Variants in DCHS2 observed in about 807,000 individuals in gnomAD.
DCHS2 encodes dachsous cadherin-related 2.
Under a neutral mutation model 182.4 loss-of-function variants are expected in DCHS2, and 142 were observed. That is an observed-to-expected ratio of 0.78 (90% confidence interval 0.68 to 0.89). The LOEUF is 0.89. DCHS2 is among the 40% of genes least tolerant of loss of function. The pLI is 0.00. For synonymous variants in DCHS2, 1,740 were observed against 1,663.3 expected (o/e 1.05, Z -1.12); for missense variants, 4,319 against 4,198.6 (o/e 1.03, Z -0.79).
At chr4:154,384,438 T>G in intron 1 of DCHS2, 1 of 1,610,404 alleles carries the variant, frequency 6.2e-7, no homozygotes, top group Non-Finnish European at 8.5e-7. Flanking sequence ...GAGCTCAGTC[T>G]CGGGACTACC....
At chr4:154,257,515 A>T (rs1578868400) in intron 15 of DCHS2, among the ~76,000 whole-genome samples, 1 of 152,294 alleles carries the variant, frequency 6.6e-6, no homozygotes, top group South Asian at 2.1e-4. Flanking sequence ...AGTCTGTGTG[A>T]CTGAGAGAAG....
chr4:154,310,495 T>C (rs1404861292), intron 10 of DCHS2, among the ~76,000 whole-genome samples: 1 of 152,186 alleles, frequency 6.6e-6, no homozygotes, highest in African/African-American at 2.4e-5. Flanking sequence ...AGTGAACTTA[T>C]CATGTATGAC....
intron 3 of DCHS2, among the ~76,000 whole-genome samples, chr4:154,338,635 A>G (rs1399310464): frequency 6.6e-6 from 1 of 152,254 alleles, no homozygotes; most frequent in Non-Finnish European, 1.5e-5. Context: ...GTACACAGAA[A>G]TAAATCAAGA....
At chr4:154,361,963 C>A (rs1730144831) in intron 3 of DCHS2, among the ~76,000 whole-genome samples, 1 of 151,992 alleles carries the variant, frequency 6.6e-6, no homozygotes. Context: ...ATGAATGAAC[C>A]AGTGTGCAAA....
intron 14 of DCHS2, among the ~76,000 whole-genome samples, chr4:154,263,646 A>G (rs1733090096): frequency 6.6e-6 from 1 of 151,778 alleles, no homozygotes; most frequent in South Asian, 2.1e-4. Flanking sequence ...AAAGCTGGAA[A>G]CCTAAAGGCT....
At chr4:154,353,092 T>C (rs187759348) in intron 3 of DCHS2, among the ~76,000 whole-genome samples, 43 of 152,308 alleles carry the variant, frequency 2.8e-4, no homozygotes, top group African/African-American at 9.4e-4. Context: ...ATAAACCAGA[T>C]TCACACCAGT....
chr4:154,452,593 C>T (rs749978743), intron 1 of DCHS2, among the ~76,000 whole-genome samples: 11 of 151,942 alleles, frequency 7.2e-5, no homozygotes, highest in Non-Finnish European at 1.6e-4. Flanking sequence ...TGCTGCACTC[C>T]AGCCTGGGCA....
intron 1 of DCHS2, among the ~76,000 whole-genome samples, chr4:154,396,858 CCCTT>C (rs1259491477): frequency 6.6e-6 from 1 of 152,178 alleles, no homozygotes; most frequent in Admixed American, 6.5e-5. Flanking sequence ...AGGTAATCTT[CCCTT>C]CCTCTGAATT....
At chr4:154,330,357 G>A (rs555461465) in intron 5 of DCHS2, among the ~76,000 whole-genome samples, 2 of 133,226 alleles carry the variant, frequency 1.5e-5, no homozygotes, top group African/African-American at 5.5e-5. Flanking sequence ...AGTGGATAGT[G>A]ACTTCCTATA....
intron 1 of DCHS2, among the ~76,000 whole-genome samples, chr4:154,428,250 A>G (rs1733413040): frequency 6.6e-6 from 1 of 152,218 alleles, no homozygotes; most frequent in Non-Finnish European, 1.5e-5. Context: ...CTAGGTGCGA[A>G]AAAACACTGG....
chr4:154,329,529 G>T lies in DCHS2; in HGVS notation c.3912C>A (p.His1304Gln). Reference protein sequence around the residue: ...FPQCLPGKELHVKVLEGQPVN... With the variant: ...FPQCLPGKELQVKVLEGQPVN... Reference sequence around the variant, plus strand: ...GCAAGGTTTCTTCACAAACCTTCACGTGTAACTCCTTTCCAGGGAGACACT... The same window carrying T: ...GCAAGGTTTCTTCACAAACCTTCACTTGTAACTCCTTTCCAGGGAGACACT... Residue 1304 changes from histidine to glutamine, a missense_variant, in exon 6 of 20, where the codon CAC becomes CAA. By Grantham distance (24) the His-to-Gln change is conservative (BLOSUM62 0). Transcript: ENST00000357232. The T allele has an allele frequency of 1.2e-6, 2 of 1,613,132 alleles. No individual in the cohort carries two copies. The highest frequency in any genetic ancestry group is 1.7e-6 in the Non-Finnish European group (2 of 1,179,454).
Position 154,490,099 on chromosome 4 carries a change from T to C in DCHS2, c.1257A>G (p.Thr419=). 6.5e-7 allele frequency: 1 copy of C among 1,549,126 alleles called. No homozygotes were observed. The highest frequency in any genetic ancestry group is 8.7e-7 in the Non-Finnish European group (1 of 1,146,362). Residue 419 remains threonine (T), a synonymous_variant, in exon 1 of 20, where the codon ACA becomes ACG. Coordinates refer to ENST00000357232, the MANE Select transcript of DCHS2 (RefSeq NM_001358235.2). The stretch of plus-strand genomic sequence containing the variant: ...CAGAGACACGGGCGACGCCTCCCTC[T>C]GTGAGAAAGAGCACGTGAATTGCTG... The part of the protein sequence containing the change: ...NRPAIHVLFL[T]EGGVARVSEG...
rs573611481 is a variant in DCHS2 at position 154,490,314 on chromosome 4, C to A, written c.1042G>T (p.Gly348Trp). The change falls in exon 1 of 20, where the codon GGG becomes TGG. Residue 348 changes from glycine to tryptophan, a missense_variant. By Grantham distance (184) the Gly-to-Trp change is radical (BLOSUM62 -2). Coordinates refer to ENST00000357232, the MANE Select transcript of DCHS2 (RefSeq NM_001358235.2). ...AAGTAGGCCGCGTCGCCCAGTGCCC[C>A]GCCGCCGCTACCCGCCCCAGGCACT... ...RQVPGAGSGG[G>W]ALGDAAYFAV... 1 of 1,545,408 alleles carries A rather than the reference C, an allele frequency of 6.5e-7. No individual in the cohort carries two copies. Among genetic ancestry groups the A allele is most frequent in the Non-Finnish European group, 8.7e-7 (1 of 1,146,404 alleles).
At position 154,489,544 on chromosome 4, in the gene DCHS2, T is replaced by C. The variant is rs1728714334; in HGVS notation, c.1812A>G (p.Pro604=). 1 of 1,551,612 alleles carries C rather than the reference T, an allele frequency of 6.4e-7. No individual in the cohort carries two copies. The highest frequency in any genetic ancestry group is 1.2e-5 in the South Asian group (1 of 84,042). Residue 604 remains proline, a synonymous_variant, in exon 1 of 20, where the codon CCA becomes CCG. Coordinates refer to ENST00000357232, the MANE Select transcript of DCHS2 (RefSeq NM_001358235.2). ...SKMVHTAECG[P]SFAIDSESGA... ...CGCTTTCGGAATCAATGGCAAAAGATGGTCCACACTCTGCGGTGTGGACCA... is the reference window on the plus strand; with the variant it reads ...CGCTTTCGGAATCAATGGCAAAAGACGGTCCACACTCTGCGGTGTGGACCA...
At chr4:154,466,163 A>G (rs925731681) in intron 1 of DCHS2, among the ~76,000 whole-genome samples, 1 of 152,188 alleles carries the variant, frequency 6.6e-6, no homozygotes, top group African/African-American at 2.4e-5. Context: ...TGGACAAAAT[A>G]TAGGAACTAG....
chr4:154,299,502 A>G (rs1735115824), intron 12 of DCHS2, among the ~76,000 whole-genome samples: 3 of 152,236 alleles, frequency 2.0e-5, no homozygotes, highest in African/African-American at 7.2e-5. Context: ...TTGGATGAAG[A>G]GCAGGCCCAA....
chr4:154,252,951 A>C (rs1483942843), intron 16 of DCHS2, among the ~76,000 whole-genome samples: 1 of 152,196 alleles, frequency 6.6e-6, no homozygotes, highest in Non-Finnish European at 1.5e-5. Flanking sequence ...CTTCAAAAGT[A>C]AAAAGTTGGA....
intron 2 of DCHS2, among the ~76,000 whole-genome samples, chr4:154,368,580 G>A (rs572255860): frequency 1.0e-3 from 152 of 151,040 alleles, no homozygotes; most frequent in African/African-American, 3.5e-3. Flanking sequence ...GCAATGGCAC[G>A]ATCTTGGCTC....
intron 1 of DCHS2, among the ~76,000 whole-genome samples, chr4:154,416,236 G>GT (rs1732827823): frequency 6.6e-6 from 1 of 152,126 alleles, no homozygotes; most frequent in Non-Finnish European, 1.5e-5. Context: ...GACAGGATAG[G>GT]CCCCGAGGAC....
Sources: allele counts gnomAD v4.1 joint callset (sites outside exome capture counted in the v4.1 genomes callset), GRCh38; gene constraint gnomAD v4.1.1; transcripts MANE v1.5; gene names NCBI Gene and HGNC (gene_info 2026-07-23, HGNC 2026-07-21).